The following MTOR variants were observed in gnomAD, a reference collection of about 807,000 sequenced individuals.
MTOR encodes mechanistic target of rapamycin kinase, also known as serine/threonine-protein kinase mTOR.
MTOR carries 70 observed loss-of-function variants against 319.8 expected under a neutral mutation model. That is an observed-to-expected ratio of 0.22 (90% CI 0.18 to 0.27). The LOEUF (loss-of-function observed/expected upper bound fraction) is 0.27, where lower values mean the gene tolerates loss of function less well. Ranked by LOEUF, MTOR falls within the 10% of genes least tolerant of loss-of-function variation. The pLI is 1.00. For missense variants in MTOR, 1,890 were observed against 3,274.4 expected (o/e 0.58, Z 10.32); for synonymous variants, 1,183 against 1,211.4 (o/e 0.98, Z 0.49).
intron 8 of MTOR, among the ~76,000 whole-genome samples, chr1:11,247,113 G>C (rs1223590822): frequency 6.6e-6 from 1 of 152,166 alleles, no homozygotes; most frequent in Non-Finnish European, 1.5e-5. Context: ...CCACAGCTGA[G>C]GGCTATGATG....
Position 11,121,411 on chromosome 1 carries a change from C to T in MTOR, c.6811-43G>A. ...TGTTCAGTAAGAGAGCAGCCTAAGA[C>T]ATGTAGTTTGGGTCCAGGAAGAAAC... is the stretch of plus-strand genomic sequence containing the variant. On this transcript the variant is annotated intron_variant, in intron 48 of 57. Transcript: ENST00000361445. This position sits in a 1 kb window ranked among gnomAD's most constrained non-coding sequence, Gnocchi z 4.9. 1.2e-6 allele frequency: 2 copies of T among 1,609,762 alleles called. No homozygotes were observed. The highest frequency in any genetic ancestry group is 1.7e-6 in the Non-Finnish European group (2 of 1,178,120).
chr1:11,169,274 A>G (rs1414560971), intron 28 of MTOR, among the ~76,000 whole-genome samples: 1 of 152,200 alleles, frequency 6.6e-6, no homozygotes, highest in Non-Finnish European at 1.5e-5. Flanking sequence ...AATCTTTCCA[A>G]TCCATCACTT....
chr1:11,212,525 A>C lies in MTOR; in HGVS notation c.3399-51T>G, dbSNP rs970542326. 16 of 1,582,846 alleles carry C rather than the reference A, an allele frequency of 1.0e-5. No individual in the cohort carries two copies. The highest frequency in any genetic ancestry group is 1.4e-5 in the Non-Finnish European group (16 of 1,164,084). On this transcript the variant is annotated intron_variant, in intron 22 of 57. Coordinates refer to ENST00000361445, the MANE Select transcript of MTOR (RefSeq NM_004958.4). This position sits in a 1 kb window ranked among gnomAD's most constrained non-coding sequence, Gnocchi z 4.1. ...ACTGCTAACATACAATCTCCAAGGA[A>C]GAGACGTGACTGAGGGTGAGCTTAA... is the stretch of plus-strand genomic sequence containing the variant.
Position 11,144,629 on chromosome 1 carries a change from G to C in MTOR, c.4872+19C>G, listed in dbSNP as rs1375332686. 4 of 1,612,120 alleles carry C rather than the reference G, an allele frequency of 2.5e-6. No homozygotes were observed. The highest frequency in any genetic ancestry group is 3.4e-6 in the Non-Finnish European group (4 of 1,178,320). On this transcript the variant is annotated intron_variant, in intron 34 of 57. Coordinates refer to ENST00000361445, the MANE Select transcript of MTOR (RefSeq NM_004958.4). ...GGGTAGGGGTAGGTGGGTGAACTGG[G>C]GCTTTCTACCAAGCTCACCTGCAGT...
chr1:11,213,572 AAG>A lies in MTOR; in HGVS notation c.3118-8_3118-7del, dbSNP rs1422730835. 2 of 1,612,916 alleles carry A rather than the reference AAG, an allele frequency of 1.2e-6. No homozygotes were observed. Among genetic ancestry groups the A allele is most frequent in the Admixed American group, 1.7e-5 (1 of 59,782 alleles). ...GTGTTCATGACCCAGAATTCCTACA[AAG>A]AGAGAAAAGTCAGAGGAGCTGAGTC... On this transcript the variant is annotated splice_polypyrimidine_tract_variant and splice_region_variant and intron_variant, in intron 20 of 57. Transcript: ENST00000361445.
intron 47 of MTOR, among the ~76,000 whole-genome samples, chr1:11,123,341 C>T (rs1374234470): frequency 2.6e-5 from 4 of 151,768 alleles, no homozygotes; most frequent in East Asian, 1.9e-4. Flanking sequence ...ACTGTAGCCT[C>T]GACCTCCTGG....
At chr1:11,168,482 G>A (rs1644715865) in intron 28 of MTOR, among the ~76,000 whole-genome samples, 1 of 152,172 alleles carries the variant, frequency 6.6e-6, no homozygotes, top group South Asian at 2.1e-4. Context: ...CAGAACCCTG[G>A]GAGCTGTGGC....
At chr1:11,112,436 C>G (rs1404291972) in intron 54 of MTOR, among the ~76,000 whole-genome samples, 1 of 152,212 alleles carries the variant, frequency 6.6e-6, no homozygotes, top group African/African-American at 2.4e-5. Context: ...ATATTAGCTG[C>G]TTGGTGCTCA....
chr1:11,162,704 G>A (rs868723935), intron 29 of MTOR, among the ~76,000 whole-genome samples: 72 of 152,140 alleles, frequency 4.7e-4, no homozygotes, highest in Middle Eastern at 3.4e-3. Flanking sequence ...AGTGAAGGAG[G>A]AATAAAATAC....
intron 12 of MTOR, 79 bp downstream of exon 12, chr1:11,238,323 C>T: frequency 2.8e-6 from 4 of 1,414,378 alleles, no homozygotes; most frequent in Non-Finnish European, 3.0e-6. Flanking sequence ...TCTAGAGAGG[C>T]CATGTAATGA....
rs180716251 is a variant in MTOR, at chr1:11,202,778, C to T, written c.3944+1783G>A. 1.6e-3 allele frequency among the ~76,000 whole-genome samples: 245 copies of T among 152,036 alleles called. 2 individuals are homozygous for T. Among genetic ancestry groups the T allele is most frequent in the African/African-American group, 5.7e-3 (235 of 41,468 alleles). On this transcript the variant is annotated intron_variant, in intron 26 of 57. Transcript: ENST00000361445. The stretch of plus-strand genomic sequence containing the variant: ...AAAATAAAATTAGCTGGGCCTGGTG[C>T]GTGTCTGCAGTCCCAGCTACTCAGG...
At chr1:11,114,936 C>A in intron 51 of MTOR, 49 bp from the exon 52 acceptor site, 1 of 1,567,094 alleles carries the variant, frequency 6.4e-7, no homozygotes, top group Non-Finnish European at 8.8e-7. Flanking sequence ...ATTTTCTTTA[C>A]CTGGAGCCAG....
In MTOR at chr1:11,121,830, T is replaced by A; in HGVS notation, c.6810+149A>T. ...TCAGTTTCTTACAAGCTTATCTGCTTTAGGACTCACTTTATTAAACCTTCT... is the reference window on the plus strand; with the variant it reads ...TCAGTTTCTTACAAGCTTATCTGCTATAGGACTCACTTTATTAAACCTTCT... On this transcript the variant is annotated intron_variant, in intron 48 of 57. Transcript: ENST00000361445. This position sits in a 1 kb window ranked among gnomAD's most constrained non-coding sequence, Gnocchi z 4.9. The A allele has an allele frequency of 9.4e-7, 1 of 1,065,028 alleles. No individual in the cohort carries two copies. Among genetic ancestry groups the A allele is most frequent in the South Asian group, 1.7e-5 (1 of 59,860 alleles). The allele number at this position is 1,065,028 out of a possible 1,614,324, so 66.0% of individuals were successfully genotyped here.
Position 11,128,970 on chromosome 1 carries a change from A to T in MTOR, c.5715-19T>A. On this transcript the variant is annotated intron_variant, in intron 40 of 57. Transcript: ENST00000361445. The surrounding 1 kb of genome is among the most constrained non-coding windows in gnomAD (Gnocchi z 5.3). Reference sequence around the variant, plus strand: ...GAGAACTCTGAAAAAGAAATGAGAAAGTCACAGAAAATTTAGTTTCCCAGT... The same window carrying T: ...GAGAACTCTGAAAAAGAAATGAGAATGTCACAGAAAATTTAGTTTCCCAGT... 9 of 1,604,382 alleles carry T rather than the reference A, an allele frequency of 5.6e-6. No homozygotes were observed. The highest frequency in any genetic ancestry group is 7.7e-6 in the Non-Finnish European group (9 of 1,173,810).
chr1:11,149,521 C>G (rs1475328404), intron 31 of MTOR: 4 of 152,348 alleles, frequency 2.6e-5, no homozygotes, highest in Non-Finnish European at 4.4e-5. Context: ...TTTTATAATA[C>G]CCTTTATAAT....
chr1:11,132,808 G>GC, intron 38 of MTOR: 1 of 362,804 alleles, frequency 2.8e-6, no homozygotes, highest in Non-Finnish European at 5.0e-6. Context: ...AAAACAAGCA[G>GC]CTCAGAGTCT....
At chr1:11,170,715 T>G (rs1364224121) in intron 28 of MTOR, among the ~76,000 whole-genome samples, 1 of 150,874 alleles carries the variant, frequency 6.6e-6, no homozygotes, top group Non-Finnish European at 1.5e-5. Flanking sequence ...AGATGGAGTT[T>G]CACTCTTGTT....
chr1:11,143,790 T>C (rs771219579), intron 34 of MTOR: 2 of 152,134 alleles, frequency 1.3e-5, no homozygotes, highest in African/African-American at 2.4e-5. Flanking sequence ...TGGTTTATAA[T>C]TGCGGGGATG....
chr1:11,167,962 C>G (rs974530823), intron 28 of MTOR, among the ~76,000 whole-genome samples: 2 of 151,908 alleles, frequency 1.3e-5, no homozygotes, highest in African/African-American at 4.8e-5. Flanking sequence ...CCCAGCTACT[C>G]AGGAGGCTGA....
Sources: gnomAD v4.1 joint callset for allele counts (sites outside exome capture counted in the v4.1 genomes callset) on GRCh38, gnomAD v4.1.1 for gene constraint, Gnocchi (gnomAD v3.1) non-coding constraint, MANE v1.5 for transcripts, NCBI Gene and HGNC (gene_info 2026-07-23, HGNC 2026-07-21) for gene names.